Variants in PABPC4L observed in about 807,000 individuals in gnomAD.
PABPC4L encodes the protein polyadenylate-binding protein 4-like.
For missense variants in PABPC4L, 452 were observed against 451.4 expected, an observed-to-expected ratio of 1.00 and a Z score of -0.01; for synonymous variants, 169 against 164.1, an observed-to-expected ratio of 1.03 and a Z score of -0.23.
At chr4:134,053,791 A>C in the PABPC4L span, among the ~76,000 whole-genome samples, 1 of 152,030 alleles carries the variant, frequency 6.6e-6, no homozygotes, top group Admixed American at 6.6e-5. Flanking sequence ...GGAATAAAGG[A>C]CTCAAAATTC....
chr4:134,070,442 CT>C, the PABPC4L span, among the ~76,000 whole-genome samples: 21 of 152,154 alleles, frequency 1.4e-4, no homozygotes, highest in African/African-American at 5.1e-4. Flanking sequence ...TGTTGGCCTC[CT>C]TGTGTCAGAT....
At chr4:134,097,356 T>C in the PABPC4L span, among the ~76,000 whole-genome samples, 3 of 151,898 alleles carry the variant, frequency 2.0e-5, no homozygotes, top group Non-Finnish European at 2.9e-5. Context: ...AAAGAATTTT[T>C]ATTCTCAAGC....
At chr4:134,152,231 A>G in the PABPC4L span, among the ~76,000 whole-genome samples, 7 of 152,200 alleles carry the variant, frequency 4.6e-5, no homozygotes, top group African/African-American at 1.4e-4. Context: ...TATAGCTACG[A>G]GAGATATTGA....
At chr4:134,082,740 C>A in the PABPC4L span, among the ~76,000 whole-genome samples, 1 of 151,828 alleles carries the variant, frequency 6.6e-6, no homozygotes, top group Non-Finnish European at 1.5e-5. Flanking sequence ...AACCTTACAT[C>A]ATTAGCATAT....
the PABPC4L span, among the ~76,000 whole-genome samples, chr4:134,048,472 A>G: frequency 2.4e-4 from 37 of 152,256 alleles, no homozygotes; most frequent in East Asian, 3.5e-3. Context: ...TCTGGTAATT[A>G]AAGCAATTAC....
the PABPC4L span, among the ~76,000 whole-genome samples, chr4:133,997,266 C>G: frequency 6.6e-6 from 1 of 152,118 alleles, no homozygotes; most frequent in Non-Finnish European, 1.5e-5. Context: ...GTGAAGAATA[C>G]ATGTCAAAAG....
the PABPC4L span, among the ~76,000 whole-genome samples, chr4:134,046,233 G>A: frequency 6.6e-6 from 1 of 152,004 alleles, no homozygotes; most frequent in African/African-American, 2.4e-5. Context: ...TTGGGAGAAG[G>A]TTAGCAGGAA....
chr4:134,044,458 G>A, the PABPC4L span, among the ~76,000 whole-genome samples: 2 of 151,782 alleles, frequency 1.3e-5, no homozygotes, highest in East Asian at 3.9e-4. Context: ...TAGAGACGGT[G>A]TTTCACCGTG....
chr4:134,172,571 T>C, the PABPC4L span, among the ~76,000 whole-genome samples: 1 of 152,218 alleles, frequency 6.6e-6, no homozygotes, highest in East Asian at 1.9e-4. Flanking sequence ...GGAGATAATC[T>C]AGAAAATACC....
chr4:134,019,306 A>G, the PABPC4L span, among the ~76,000 whole-genome samples: 1 of 152,140 alleles, frequency 6.6e-6, no homozygotes, highest in Admixed American at 6.6e-5. Flanking sequence ...AATTGACAAC[A>G]TACATAAACA....
rs1425708741 is a variant in PABPC4L, at chr4:134,200,585, CT to C, written c.434del (p.Gln145ArgfsTer13). The C allele has an allele frequency of 1.3e-6, 2 of 1,551,642 alleles. No individual in the cohort carries two copies. The highest frequency in any genetic ancestry group is 1.7e-6 in the Non-Finnish European group (2 of 1,146,974). ...TGGCCCTGTCTGCAGCACTCTGGTT[CT>C]GAAAGTGCACAAATGCATAGCCCTT... is the stretch of plus-strand genomic sequence containing the variant. ...GSKGYAFVHF[Q>X]NQSAADRAIE... On this transcript the variant is annotated frameshift_variant, in exon 2 of 2. Transcript: ENST00000421491. LOFTEE classifies it low-confidence loss of function (END_TRUNC).
At chr4:133,955,435 T>C in the PABPC4L span, among the ~76,000 whole-genome samples, 1 of 152,162 alleles carries the variant, frequency 6.6e-6, no homozygotes, top group African/African-American at 2.4e-5. Flanking sequence ...TTATAGGTAT[T>C]TCAAATTAAA....
At chr4:134,023,396 C>T in the PABPC4L span, among the ~76,000 whole-genome samples, 1 of 152,112 alleles carries the variant, frequency 6.6e-6, no homozygotes, top group Admixed American at 6.6e-5. Context: ...GCTTCCTACT[C>T]CATCATCTTC....
At chr4:134,144,146 T>A in the PABPC4L span, among the ~76,000 whole-genome samples, 3 of 151,552 alleles carry the variant, frequency 2.0e-5, no homozygotes, top group African/African-American at 7.2e-5. Context: ...TTTGTAGTTT[T>A]TAAGATCACT....
chr4:134,201,033 C>T lies in PABPC4L; in HGVS notation c.-14G>A. 6.4e-7 allele frequency: 1 copy of T among 1,551,752 alleles called. No homozygotes were observed. The highest frequency in any genetic ancestry group is 1.2e-5 in the South Asian group (1 of 84,060). On this transcript the variant is annotated 5_prime_UTR_variant, in exon 2 of 2. Coordinates refer to ENST00000421491, the MANE Select transcript of PABPC4L (RefSeq NM_001114734.2). ...TGCTACATTCATCTCCTTGTCCTTGCCACTGTGAGTTTGTCCCCTGGAGTT... is the reference window on the plus strand; with the variant it reads ...TGCTACATTCATCTCCTTGTCCTTGTCACTGTGAGTTTGTCCCCTGGAGTT...
chr4:134,014,264 T>C, the PABPC4L span, among the ~76,000 whole-genome samples: 1 of 152,196 alleles, frequency 6.6e-6, no homozygotes, highest in African/African-American at 2.4e-5. Context: ...AACCTCACCT[T>C]CAAGGTGTAC....
the PABPC4L span, among the ~76,000 whole-genome samples, chr4:134,049,749 T>C: frequency 6.6e-6 from 1 of 152,216 alleles, no homozygotes; most frequent in Non-Finnish European, 1.5e-5. Flanking sequence ...TTTTAAAAGA[T>C]GTTGTTTAAG....
At chr4:134,054,488 G>A in the PABPC4L span, among the ~76,000 whole-genome samples, 7 of 151,380 alleles carry the variant, frequency 4.6e-5, no homozygotes, top group Non-Finnish European at 1.0e-4. Flanking sequence ...ATCACTGGAA[G>A]GATCCCCCAT....
chr4:134,159,706 G>A, the PABPC4L span, among the ~76,000 whole-genome samples: 11 of 152,064 alleles, frequency 7.2e-5, no homozygotes, highest in African/African-American at 2.7e-4. Context: ...TGTCAGTAAG[G>A]CCACAGAGAC....
Sources: gnomAD v4.1 joint callset for allele counts (sites outside exome capture counted in the v4.1 genomes callset) on GRCh38, gnomAD v4.1.1 for gene constraint, MANE v1.5 for transcripts, NCBI Gene and HGNC (gene_info 2026-07-23, HGNC 2026-07-21) for gene names.